The following INPP5K variants were observed in gnomAD, a reference collection of about 807,000 sequenced individuals.
The protein encoded by INPP5K is inositol polyphosphate-5-phosphatase K, also known as inositol polyphosphate 5-phosphatase K.
INPP5K carries 35 observed loss-of-function variants against 53.5 expected under a neutral mutation model. That is an observed-to-expected ratio of 0.65 (90% CI 0.50 to 0.87). The LOEUF is 0.87. Ranked by LOEUF, INPP5K falls within the 40% of genes least tolerant of loss-of-function variation. INPP5K has a pLI of 0.00. For missense variants in INPP5K, 550 were observed against 586.2 expected, an observed-to-expected ratio of 0.94 and a Z score of 0.64; for synonymous variants, 253 against 232.8, an observed-to-expected ratio of 1.09 and a Z score of -0.79.
Position 1,495,849 on chromosome 17 carries a change from G to A in INPP5K, c.1321C>T (p.Leu441=). ...CAGATCTGTGGCTGTGCTTCACCCA[G>A]TGGGTCCTCCCTCAAGGAGCCAGGC... The part of the protein sequence containing the change: ...IPPGSLREDP[L]GEAQPQI The change falls in exon 12 of 12, where the codon CTG becomes TTG. Residue 441 remains leucine, a synonymous_variant. Coordinates refer to ENST00000421807, the MANE Select transcript of INPP5K (RefSeq NM_016532.4). 6.2e-7 allele frequency: 1 copy of A among 1,613,540 alleles called. No homozygotes were observed. The highest frequency in any genetic ancestry group is 8.5e-7 in the Non-Finnish European group (1 of 1,179,550).
chr17:1,500,493 T>G (rs957133626), intron 7 of INPP5K, among the ~76,000 whole-genome samples: 9 of 151,960 alleles, frequency 5.9e-5, no homozygotes, highest in African/African-American at 1.9e-4. Context: ...GCCTCCAGAA[T>G]AGCTGGGATT....
intron 5 of INPP5K, 44 bp from the exon 6 acceptor site, chr17:1,508,270 C>A (rs1379984255): frequency 6.8e-7 from 1 of 1,480,362 alleles, no homozygotes. Context: ...GTGATGAAGT[C>A]GGGGAAGGGA....
Position 1,498,032 on chromosome 17 carries a change from C to T in INPP5K, c.867G>A (p.Pro289=), listed in dbSNP as rs200397526. The change falls in exon 8 of 12, where the codon CCG becomes CCA. Residue 289 remains proline (P), a synonymous_variant. Coordinates refer to ENST00000421807, the MANE Select transcript of INPP5K (RefSeq NM_016532.4). ...TCAGAGACAAGGAGAAGTGTGACGC[C>T]GGCGGTATGGGAGTGTCGGGGCCAG... is the stretch of plus-strand genomic sequence containing the variant. The part of the protein sequence containing the change: ...PCAGPDTPIP[P]ASHFSLSLRG... The T allele has an allele frequency of 5.0e-5, 80 of 1,614,078 alleles. No individual in the cohort carries two copies. The highest frequency in any genetic ancestry group is 1.2e-4 in the Admixed American group (7 of 60,016).
chr17:1,515,189 C>T (rs150004305), intron 1 of INPP5K, among the ~76,000 whole-genome samples: 3,205 of 152,202 alleles, frequency 0.021, 145 homozygotes, highest in African/African-American at 0.073. Flanking sequence ...GATTACAGGC[C>T]TGAGCCACCG....
intron 5 of INPP5K, 189 bp from the exon 6 acceptor site, chr17:1,508,415 G>A (rs916309098): frequency 1.5e-5 from 9 of 585,938 alleles, no homozygotes; most frequent in African/African-American, 1.3e-4. Context: ...ATTCAAACCG[G>A]AGAGACCTAC....
Position 1,513,965 on chromosome 17 carries a change from G to A in INPP5K, c.59C>T (p.Thr20Ile). The change falls in exon 2 of 12, where the codon ACT becomes ATT. Residue 20 changes from threonine to isoleucine, a missense_variant. Physicochemically the swap from Thr to Ile is moderately conservative, Grantham distance 89 (BLOSUM62 -1). Coordinates refer to ENST00000421807, the MANE Select transcript of INPP5K (RefSeq NM_016532.4). ...KGRRLSIHVV[T>I]WNVASAAPPL... The stretch of plus-strand genomic sequence containing the variant: ...GGGCGCTGCCGAAGCCACGTTCCAA[G>A]TCACGACGTGTATGCTGCGGAAGGG... 2 of 1,611,640 alleles carry A rather than the reference G, an allele frequency of 1.2e-6. No individual in the cohort carries two copies. Among genetic ancestry groups the A allele is most frequent in the Non-Finnish European group, 1.7e-6 (2 of 1,178,336 alleles).
intron 2 of INPP5K, 73 bp from the exon 3 acceptor site, chr17:1,513,634 T>C: frequency 7.5e-7 from 1 of 1,334,376 alleles, no homozygotes; most frequent in Admixed American, 1.7e-5. Flanking sequence ...TTTGATACCA[T>C]CTTCACGGAC....
At chr17:1,512,730 C>T (rs2075337534) in intron 3 of INPP5K, among the ~76,000 whole-genome samples, 1 of 152,110 alleles carries the variant, frequency 6.6e-6, no homozygotes, top group African/African-American at 2.4e-5. Context: ...GTCTCTCAGA[C>T]TAAGAAAGCC....
intron 3 of INPP5K, 93 bp downstream of exon 3, chr17:1,513,360 G>A (rs2075351858): frequency 1.0e-6 from 1 of 997,848 alleles, no homozygotes; most frequent in African/African-American, 1.6e-5. Context: ...GAAAGGCTGA[G>A]CAGGAGTAAG....
In INPP5K at chr17:1,494,948, G is replaced by A. The variant is rs557377829; in HGVS notation, c.*875C>T. The stretch of plus-strand genomic sequence containing the variant: ...GCCTGCCCCCACTCTGAGGTCCCGG[G>A]GGGTCCAGGGGGGGCCCGTCGTCAA... On this transcript the variant is annotated 3_prime_UTR_variant, in exon 12 of 12. Transcript: ENST00000421807. 3 of 152,448 alleles carry A rather than the reference G, an allele frequency of 2.0e-5. No individual in the cohort carries two copies. The highest frequency in any genetic ancestry group is 2.1e-4 in the South Asian group (1 of 4,830). 9.4% of individuals were successfully genotyped at this position (152,448 alleles called of 1,614,324 possible). A position where few individuals can be genotyped will look rare whatever the true frequency, so the allele number is the denominator to read the frequency against.
chr17:1,509,897 A>G lies in INPP5K; in HGVS notation c.262-98T>C, dbSNP rs111849893. 3.4e-5 allele frequency: 24 copies of G among 703,414 alleles called. No individual in the cohort carries two copies. The African/African-American group carries it at 4.1e-4, about 12-fold the overall frequency. The allele number at this position is 703,414 out of a possible 1,614,324, so 43.6% of individuals were successfully genotyped here. ...TAGGGACTCTAGAGAGCCCTCAGCT[A>G]CATGCAGTGTCCTGCTCCAGGGTCT... On this transcript the variant is annotated intron_variant, in intron 3 of 11. Transcript: ENST00000421807.
In INPP5K at chr17:1,516,453, C is replaced by T. The variant is rs770266688; in HGVS notation, c.44+3G>A. The T allele has an allele frequency of 9.4e-6, 15 of 1,591,550 alleles. No homozygotes were observed. The highest frequency in any genetic ancestry group is 3.4e-4 in the Middle Eastern group (2 of 5,888). ...CCTGCCTCTGCCGCCAGGGTGCCCTCACCTGAGCCTCCTGCCTTTCGGCCC... is the reference window on the plus strand; with the variant it reads ...CCTGCCTCTGCCGCCAGGGTGCCCTTACCTGAGCCTCCTGCCTTTCGGCCC... On this transcript the variant is annotated splice_donor_region_variant and intron_variant, in intron 1 of 11. Coordinates refer to ENST00000421807, the MANE Select transcript of INPP5K (RefSeq NM_016532.4).
In INPP5K at chr17:1,513,938, G is replaced by A. The variant is rs150733313; in HGVS notation, c.86C>T (p.Pro29Leu). The A allele has an allele frequency of 6.2e-7, 1 of 1,613,020 alleles. No homozygotes were observed. The highest frequency in any genetic ancestry group is 8.5e-7 in the Non-Finnish European group (1 of 1,179,322). ...CTGAAGCAGGTCACTGAGATCTAGA[G>A]GGGGCGCTGCCGAAGCCACGTTCCA... ...VTWNVASAAP[P>L]LDLSDLLQLN... The change falls in exon 2 of 12, where the codon CCT becomes CTT. Residue 29 changes from proline to leucine, a missense_variant. Coordinates refer to ENST00000421807, the MANE Select transcript of INPP5K (RefSeq NM_016532.4).
At chr17:1,509,045 C>G (rs2075238199) in intron 5 of INPP5K, 133 bp downstream of exon 5, 1 of 801,838 alleles carries the variant, frequency 1.2e-6, no homozygotes, top group South Asian at 1.6e-5. Flanking sequence ...GTCTGCAGAC[C>G]CAGGCTCACT....
At chr17:1,511,796 A>G (rs2075315520) in intron 3 of INPP5K, among the ~76,000 whole-genome samples, 1 of 148,938 alleles carries the variant, frequency 6.7e-6, no homozygotes, top group South Asian at 2.2e-4. Context: ...CCCACCCACA[A>G]AGCAGCTTTA....
chr17:1,498,708 G>A (rs566352917), intron 7 of INPP5K, among the ~76,000 whole-genome samples: 6 of 152,298 alleles, frequency 3.9e-5, no homozygotes, highest in African/African-American at 1.4e-4. Context: ...GGGCTCAGGC[G>A]ATCCCACCTC....
intron 3 of INPP5K, among the ~76,000 whole-genome samples, chr17:1,511,296 C>G (rs11652315): frequency 0.18 from 27,385 of 152,054 alleles, 3,049 homozygotes; most frequent in South Asian, 0.32. Flanking sequence ...TATTGTAAAA[C>G]AACATCAAAG....
chr17:1,501,276 A>G (rs2150982084), intron 7 of INPP5K, among the ~76,000 whole-genome samples: 1 of 152,298 alleles, frequency 6.6e-6, no homozygotes, highest in East Asian at 1.9e-4. Flanking sequence ...TGCTATTTTA[A>G]ATAAATGTTC....
intron 1 of INPP5K, among the ~76,000 whole-genome samples, chr17:1,515,009 C>G (rs1044841863): frequency 6.6e-6 from 1 of 151,364 alleles, no homozygotes. Flanking sequence ...CAGGTTCCAG[C>G]AGTTCTCCTG....
Sources: gnomAD v4.1 joint callset for allele counts (sites outside exome capture counted in the v4.1 genomes callset) on GRCh38, gnomAD v4.1.1 for gene constraint, MANE v1.5 for transcripts, NCBI Gene and HGNC (gene_info 2026-07-23, HGNC 2026-07-21) for gene names.